The following ERI1 variants were observed in gnomAD, a reference collection of about 807,000 sequenced individuals.
The protein encoded by ERI1 is exoribonuclease 1.
A neutral mutation model predicts 39.7 loss-of-function variants in ERI1; 39 were observed. The observed-to-expected ratio is 0.98, with a 90% CI of 0.76 to 1.28. ERI1 has a LOEUF of 1.28. Ranked by LOEUF, ERI1 falls within the 50% of genes most tolerant of loss-of-function variation. ERI1 has a pLI of 0.00. For missense variants in ERI1, 581 were observed against 416.9 expected (o/e 1.39, Z -3.43); for synonymous variants, 204 against 149.6 (o/e 1.36, Z -2.65).
At chr8:9,064,712 C>G (rs1253167127) in intron 3 of ERI1, among the ~76,000 whole-genome samples, 2 of 152,092 alleles carry the variant, frequency 1.3e-5, no homozygotes, top group Non-Finnish European at 2.9e-5. Flanking sequence ...CTAGGTGGAT[C>G]TTTTTCACGG....
chr8:9,054,729 A>G (rs1798454799), intron 3 of ERI1, among the ~76,000 whole-genome samples: 1 of 152,256 alleles, frequency 6.6e-6, no homozygotes, highest in Non-Finnish European at 1.5e-5. Flanking sequence ...GTTTGAGATC[A>G]GGCTGGCCAA....
chr8:9,098,735 T>C (rs968832306), intron 3 of ERI1, among the ~76,000 whole-genome samples: 1 of 151,422 alleles, frequency 6.6e-6, no homozygotes. Flanking sequence ...AAAAAAAAAT[T>C]TTTAATAAAG....
chr8:9,022,330 A>C (rs996779068), intron 6 of ERI1, among the ~76,000 whole-genome samples: 12 of 152,224 alleles, frequency 7.9e-5, no homozygotes, highest in African/African-American at 2.2e-4. Flanking sequence ...TTACTGGTCT[A>C]TAGATTTTTA....
At chr8:9,029,476 G>A (rs781447708) in intron 6 of ERI1, among the ~76,000 whole-genome samples, 38 of 151,974 alleles carry the variant, frequency 2.5e-4, no homozygotes, top group Non-Finnish European at 5.0e-4. Flanking sequence ...TTACAGATGT[G>A]CACCACCACG....
At chr8:9,037,562 A>G (rs191206909), downstream of ERI1, among the ~76,000 whole-genome samples, 6 of 151,328 alleles carry the variant, frequency 4.0e-5, no homozygotes, top group Admixed American at 3.9e-4. Context: ...TCTTACTTGT[A>G]TCTCAAGAAC....
chr8:9,063,360 T>G lies in ERI1; in HGVS notation n.299+42896T>G, dbSNP rs192044975. ...CATTAACCTTGACTATGCCTTTAGCTCCAGCCACCTTTTTAAGAGGAAATT... is the reference window on the plus strand; with the variant it reads ...CATTAACCTTGACTATGCCTTTAGCGCCAGCCACCTTTTTAAGAGGAAATT... On this transcript the variant is annotated intron_variant and non_coding_transcript_variant, in intron 3 of 3. Transcript: ENST00000518663. 4.6e-5 allele frequency among the ~76,000 whole-genome samples: 7 copies of G among 152,224 alleles called. No individual in the cohort carries two copies. The East Asian group carries it at 1.4e-3, about 29-fold the overall frequency.
chr8:9,073,620 G>A (rs1358582193), intron 3 of ERI1, among the ~76,000 whole-genome samples: 2 of 151,996 alleles, frequency 1.3e-5, no homozygotes, highest in African/African-American at 2.4e-5. Context: ...TGTGCAGGAG[G>A]GAGAAAAATA....
intron 6 of ERI1, among the ~76,000 whole-genome samples, chr8:9,025,909 C>A (rs1818427238): frequency 6.6e-6 from 1 of 152,104 alleles, no homozygotes; most frequent in Non-Finnish European, 1.5e-5. Flanking sequence ...ATACCTCATA[C>A]ACAGAGCCTG....
At chr8:9,021,574 A>G (rs1438268752) in intron 6 of ERI1, among the ~76,000 whole-genome samples, 2 of 152,166 alleles carry the variant, frequency 1.3e-5, no homozygotes, top group Non-Finnish European at 2.9e-5. Flanking sequence ...GCTATAAAGC[A>G]AATACCCTTG....
At chr8:9,077,797 C>G (rs978981484) in intron 3 of ERI1, among the ~76,000 whole-genome samples, 2 of 152,182 alleles carry the variant, frequency 1.3e-5, no homozygotes, top group Non-Finnish European at 2.9e-5. Context: ...AGAGAAAGCT[C>G]TTCTCTGCGT....
At chr8:9,052,558 C>G (rs1230670443) in intron 3 of ERI1, among the ~76,000 whole-genome samples, 2 of 152,124 alleles carry the variant, frequency 1.3e-5, no homozygotes, top group East Asian at 3.8e-4. Flanking sequence ...AAGGAACATG[C>G]TAGGTGCACA....
chr8:9,011,357 CAT>C (rs1209962005), intron 2 of ERI1, among the ~76,000 whole-genome samples, 183 bp from the exon 3 acceptor site: 1 of 152,066 alleles, frequency 6.6e-6, no homozygotes, highest in Non-Finnish European at 1.5e-5. Context: ...TTGTAATAAA[CAT>C]ATTATTTTAA....
intron 6 of ERI1, 31 bp downstream of exon 6, chr8:9,020,495 T>C: frequency 7.5e-7 from 1 of 1,333,798 alleles, no homozygotes; most frequent in Non-Finnish European, 1.0e-6. Flanking sequence ...AATTACGTGG[T>C]TCTTAATGAT....
chr8:9,062,306 G>A (rs1798726360), intron 3 of ERI1, among the ~76,000 whole-genome samples: 1 of 151,962 alleles, frequency 6.6e-6, no homozygotes. Flanking sequence ...GATACGAGAG[G>A]AGAATGCGAA....
intron 3 of ERI1, among the ~76,000 whole-genome samples, chr8:9,089,794 C>T (rs895450314): frequency 1.3e-5 from 2 of 152,124 alleles, no homozygotes; most frequent in Admixed American, 6.5e-5. Context: ...GATTAGGTGG[C>T]AGAGTCCGCT....
intron 5 of ERI1, among the ~76,000 whole-genome samples, chr8:9,019,182 A>G (rs1817623756): frequency 6.6e-6 from 1 of 152,210 alleles, no homozygotes; most frequent in African/African-American, 2.4e-5. Flanking sequence ...TAAAACATAG[A>G]TGACAGACGT....
At chr8:9,013,590 G>A (rs1022739228) in intron 3 of ERI1, among the ~76,000 whole-genome samples, 3 of 151,924 alleles carry the variant, frequency 2.0e-5, no homozygotes, top group Admixed American at 2.0e-4. Flanking sequence ...TAGTTCCATA[G>A]CTTTCAGAAG....
chr8:9,044,265 G>C (rs969798837), intron 3 of ERI1, among the ~76,000 whole-genome samples: 1 of 152,170 alleles, frequency 6.6e-6, no homozygotes, highest in Non-Finnish European at 1.5e-5. Context: ...CTGGATGCAG[G>C]GCAACAAGTC....
intron 3 of ERI1, among the ~76,000 whole-genome samples, chr8:9,068,725 A>G (rs1798960853): frequency 6.6e-6 from 1 of 152,146 alleles, no homozygotes; most frequent in Admixed American, 6.5e-5. Context: ...ATTAGAATGT[A>G]AGCTTCCTGA....
Sources: allele counts gnomAD v4.1 joint callset (sites outside exome capture counted in the v4.1 genomes callset), GRCh38; gene constraint gnomAD v4.1.1; transcripts MANE v1.5; gene names NCBI Gene and HGNC (gene_info 2026-07-23, HGNC 2026-07-21).